The following PCSK6 variants were observed in gnomAD, a reference collection of about 807,000 sequenced individuals.
The protein encoded by PCSK6 is paired basic amino acid cleaving enzyme 4.
In PCSK6, 85 loss-of-function variants were observed where a neutral mutation model predicts 123.3. The observed-to-expected ratio is 0.69, with a 90% CI of 0.58 to 0.83. The LOEUF (loss-of-function observed/expected upper bound fraction) is 0.83, where lower values mean the gene tolerates loss of function less well. PCSK6 is among the 40% of genes least tolerant of loss of function. The pLI is 0.00. For synonymous variants in PCSK6, 508 were observed against 516.0 expected (o/e 0.98, Z 0.21); for missense variants, 1,191 against 1,282.3 (o/e 0.93, Z 1.09).
At chr15:101,403,457 A>C (rs1328682567) in intron 6 of PCSK6, among the ~76,000 whole-genome samples, 1 of 151,880 alleles carries the variant, frequency 6.6e-6, no homozygotes, top group Non-Finnish European at 1.5e-5. Flanking sequence ...AAAAAAATGG[A>C]GGTAGTAACA....
chr15:101,435,049 C>A (rs1404633126), intron 2 of PCSK6, among the ~76,000 whole-genome samples: 1 of 152,194 alleles, frequency 6.6e-6, no homozygotes, highest in African/African-American at 2.4e-5. Flanking sequence ...TCAGCATGAA[C>A]ATACCTGGTT....
intron 1 of PCSK6, among the ~76,000 whole-genome samples, chr15:101,470,882 G>A (rs2057587393): frequency 1.3e-5 from 2 of 152,132 alleles, no homozygotes; most frequent in African/African-American, 4.8e-5. Flanking sequence ...AACAACTCGA[G>A]AGGCTGAAAA....
rs2041385463 is a variant in PCSK6, at chr15:101,366,263, C to G, written c.1791G>C (p.Lys597Asn). Residue 597 changes from lysine to asparagine, a missense_variant, in exon 13 of 22, where the codon AAG (lysine) becomes AAC (asparagine). Around this residue, in one of 3 missense-constraint regions of PCSK6, gnomAD observed 630 missense variants for 631.4 expected, o/e 1.00. Transcript: ENST00000611716. ...TTTCCAAGGTCCACTGCCCTTCAGCCTTTTCTCCCCAGCAGTGGACAGTCA... is the reference window on the plus strand; with the variant it reads ...TTTCCAAGGTCCACTGCCCTTCAGCGTTTTCTCCCCAGCAGTGGACAGTCA... Reference protein sequence around the residue: ...EFMTVHCWGEKAEGQWTLEIQ... With the variant: ...EFMTVHCWGENAEGQWTLEIQ... 6.2e-7 allele frequency: 1 copy of G among 1,613,716 alleles called. No individual in the cohort carries two copies. Among genetic ancestry groups the G allele is most frequent in the Non-Finnish European group, 8.5e-7 (1 of 1,179,812 alleles).
chr15:101,361,817 G>A (rs1233600835), intron 13 of PCSK6, among the ~76,000 whole-genome samples: 3 of 152,140 alleles, frequency 2.0e-5, no homozygotes, highest in Non-Finnish European at 4.4e-5. Flanking sequence ...AGTGGAATGA[G>A]GAGGTAAGAC....
chr15:101,439,415 C>A (rs2056695985), intron 2 of PCSK6, among the ~76,000 whole-genome samples: 1 of 152,228 alleles, frequency 6.6e-6, no homozygotes, highest in Non-Finnish European at 1.5e-5. Flanking sequence ...GCCACTAGAA[C>A]CAGCTGGGTG....
At position 101,445,353 on chromosome 15, in the gene PCSK6, T is replaced by C. The variant is rs79973086; in HGVS notation, c.298-1693A>G. On this transcript the variant is annotated intron_variant, in intron 1 of 21. Transcript: ENST00000611716. ...CTTATGAGACTAATAACCACCACCC[T>C]GAAGGGTTGCTCCGAAATTTGAACG... 1.9e-3 allele frequency among the ~76,000 whole-genome samples: 292 copies of C among 152,262 alleles called. 2 individuals carry two copies. The highest frequency in any genetic ancestry group is 6.8e-3 in the African/African-American group (284 of 41,554).
chr15:101,427,130 T>A (rs531764763), intron 6 of PCSK6, among the ~76,000 whole-genome samples: 1 of 152,252 alleles, frequency 6.6e-6, no homozygotes, highest in Admixed American at 6.5e-5. Flanking sequence ...AATACTTTAC[T>A]CCAAAGCCTC....
At chr15:101,348,604 T>G (rs1014349882) in intron 13 of PCSK6, among the ~76,000 whole-genome samples, 1 of 152,236 alleles carries the variant, frequency 6.6e-6, no homozygotes, top group Non-Finnish European at 1.5e-5. Context: ...TTTCTGATGT[T>G]ATAGGCACTA....
intron 6 of PCSK6, among the ~76,000 whole-genome samples, chr15:101,427,636 G>A (rs1389736971): frequency 6.6e-6 from 1 of 152,246 alleles, no homozygotes; most frequent in Non-Finnish European, 1.5e-5. Context: ...GACCAGAGGA[G>A]AGAGGGTACC....
chr15:101,393,389 T>G lies in PCSK6; in HGVS notation c.1032A>C (p.Ala344=). ...RQGLGSIFVW[A]SGNGGREGDY... Reference sequence around the variant, plus strand: ...CCCCCTCTCTCCCGCCATTCCCAGATGCCCAGACGAAAATGGAGCCCAGGC... The same window carrying G: ...CCCCCTCTCTCCCGCCATTCCCAGAGGCCCAGACGAAAATGGAGCCCAGGC... The change falls in exon 8 of 22, where the codon GCA becomes GCC. Residue 344 remains alanine, a synonymous_variant. Transcript: ENST00000611716. 6.2e-7 allele frequency: 1 copy of G among 1,602,544 alleles called. No homozygotes were observed. Among genetic ancestry groups the G allele is most frequent in the East Asian group, 2.2e-5 (1 of 44,780 alleles).
intron 17 of PCSK6, among the ~76,000 whole-genome samples, chr15:101,323,968 CCAA>C (rs2040191756): frequency 1.3e-5 from 2 of 152,270 alleles, no homozygotes; most frequent in Admixed American, 1.3e-4. Context: ...TCAATTTAAC[CCAA>C]GCCCTGCTTT....
At chr15:101,422,085 C>A (rs1319730615) in intron 6 of PCSK6, among the ~76,000 whole-genome samples, 1 of 152,172 alleles carries the variant, frequency 6.6e-6, no homozygotes, top group East Asian at 1.9e-4. Context: ...GTTGACATGA[C>A]TTTTCCTCTT....
chr15:101,437,629 A>C (rs1179904744), intron 2 of PCSK6, among the ~76,000 whole-genome samples: 1 of 152,236 alleles, frequency 6.6e-6, no homozygotes, highest in Admixed American at 6.5e-5. Context: ...CCTGCTTAAC[A>C]GTCATGAGAG....
At chr15:101,361,592 C>T (rs368089871) in intron 13 of PCSK6, among the ~76,000 whole-genome samples, 60 of 152,126 alleles carry the variant, frequency 3.9e-4, no homozygotes, top group Admixed American at 1.8e-3. Context: ...GGGAACAGAA[C>T]GGAGGTCAAT....
At chr15:101,394,129 G>C (rs11247289) in intron 7 of PCSK6, among the ~76,000 whole-genome samples, 2 of 132,910 alleles carry the variant, frequency 1.5e-5, no homozygotes, top group African/African-American at 5.5e-5. Context: ...TTTTCTTTCC[G>C]TTTTTTTGTT....
chr15:101,479,273 CAGAT>C (rs1333726100), intron 1 of PCSK6, among the ~76,000 whole-genome samples: 7 of 152,228 alleles, frequency 4.6e-5, no homozygotes, highest in Admixed American at 2.0e-4. Flanking sequence ...ACGACAGCAA[CAGAT>C]AGGTGCAGAA....
chr15:101,443,660 T>C lies in PCSK6; in HGVS notation c.298A>G (p.Ile100Val). 6.2e-7 allele frequency: 1 copy of C among 1,608,618 alleles called. No homozygotes were observed. Among genetic ancestry groups the C allele is most frequent in the South Asian group, 1.1e-5 (1 of 90,962 alleles). Residue 100 changes from isoleucine to valine, a missense_variant and splice_region_variant, in exon 2 of 22, where the codon ATT (isoleucine) becomes GTT (valine). Physicochemically the swap from Ile to Val is conservative, Grantham distance 29. Around this residue, in one of 3 missense-constraint regions of PCSK6, gnomAD observed 204 missense variants for 166.4 expected, o/e 1.23. Transcript: ENST00000611716. ...AAHGYLNLGQ[I>V]GNLEDYYHFY... ...TGGTAGTAATCTTCCAGGTTTCCAA[T>C]CTGCAAGACAAGAAGCAGAATGCCA... is the stretch of plus-strand genomic sequence containing the variant.
chr15:101,445,645 C>T (rs1264472839), intron 1 of PCSK6, among the ~76,000 whole-genome samples: 2 of 152,326 alleles, frequency 1.3e-5, no homozygotes, highest in African/African-American at 4.8e-5. Flanking sequence ...AGGCAATCAC[C>T]GAGTCTCAAC....
intron 9 of PCSK6, among the ~76,000 whole-genome samples, chr15:101,386,390 C>A (rs2042065119): frequency 6.6e-6 from 1 of 152,150 alleles, no homozygotes; most frequent in Non-Finnish European, 1.5e-5. Flanking sequence ...CCATTTCAAC[C>A]ATTTGTAAAG....
Sources: allele counts gnomAD v4.1 joint callset (sites outside exome capture counted in the v4.1 genomes callset), GRCh38; gene constraint gnomAD v4.1.1; regional missense constraint gnomAD v4.1.1; transcripts MANE v1.5; gene names NCBI Gene and HGNC (gene_info 2026-07-23, HGNC 2026-07-21).